Variants in IRAK4 observed in about 807,000 individuals in gnomAD.
The protein encoded by IRAK4 is interleukin 1 receptor associated kinase 4, also known as interleukin-1 receptor-associated kinase 4.
Under a neutral mutation model 51.8 loss-of-function variants are expected in IRAK4, and 44 were observed. The observed-to-expected ratio is 0.85, with a 90% CI of 0.67 to 1.09. The LOEUF (loss-of-function observed/expected upper bound fraction) is 1.09, where lower values mean the gene tolerates loss of function less well. IRAK4 is among the 50% of genes least tolerant of loss of function. The pLI is 0.00. For synonymous variants in IRAK4, 149 were observed against 174.1 expected (o/e 0.86, Z 1.13); for missense variants, 487 against 538.0 (o/e 0.91, Z 0.94).
intron 6 of IRAK4, among the ~76,000 whole-genome samples, chr12:43,776,726 G>A (rs1941308594): frequency 6.6e-6 from 1 of 152,152 alleles, no homozygotes; most frequent in Non-Finnish European, 1.5e-5. Flanking sequence ...TTAAATTTAG[G>A]ATGTATAACT....
At chr12:43,785,989 G>A (rs897998380) in intron 10 of IRAK4, among the ~76,000 whole-genome samples, 1 of 151,602 alleles carries the variant, frequency 6.6e-6, no homozygotes, top group Non-Finnish European at 1.5e-5. Context: ...ATGTCATTTT[G>A]TGGTGGATGG....
chr12:43,771,142 C>T, intron 2 of IRAK4, 78 bp from the exon 3 acceptor site: 1 of 1,200,410 alleles, frequency 8.3e-7, no homozygotes, highest in Non-Finnish European at 1.2e-6. Flanking sequence ...ATTACCCTGT[C>T]TGTGGTATTC....
At chr12:43,781,574 T>G (rs4251521) in intron 8 of IRAK4, among the ~76,000 whole-genome samples, 1 of 152,244 alleles carries the variant, frequency 6.6e-6, no homozygotes, top group African/African-American at 2.4e-5. Flanking sequence ...AGCACACTTT[T>G]CACCCTCTGT....
intron 1 of IRAK4, among the ~76,000 whole-genome samples, chr12:43,760,504 CT>C (rs1939408846): frequency 6.6e-6 from 1 of 152,202 alleles, no homozygotes; most frequent in Non-Finnish European, 1.5e-5. Flanking sequence ...CTCTAAGGCC[CT>C]TGAAGACCTG....
At position 43,772,317 on chromosome 12, in the gene IRAK4, G is replaced by C. The variant is rs375927287; in HGVS notation, c.445G>C (p.Asp149His). 6 of 1,613,650 alleles carry C rather than the reference G, an allele frequency of 3.7e-6. No homozygotes were observed. Among genetic ancestry groups the C allele is most frequent in the Non-Finnish European group, 4.2e-6 (5 of 1,179,944 alleles). ...QNLEQSYMPP[D>H]SSSPENKSLE... ...TCTTGAACAAAGCTATATGCCACCT[G>C]ACTCCTCAAGTCCAGAAAATAAAAG... Residue 149 changes from aspartate to histidine, a missense_variant, in exon 4 of 12, where the codon GAC becomes CAC. Asp to His is a moderately conservative substitution (Grantham distance 81). Transcript: ENST00000613694.
At chr12:43,762,155 C>A (rs1419677590) in intron 1 of IRAK4, among the ~76,000 whole-genome samples, 2 of 152,060 alleles carry the variant, frequency 1.3e-5, no homozygotes, top group Admixed American at 6.5e-5. Context: ...GGCTTATGTT[C>A]TTGTAAGTAT....
intron 10 of IRAK4, among the ~76,000 whole-genome samples, chr12:43,785,174 G>A (rs958297590): frequency 6.6e-6 from 1 of 152,020 alleles, no homozygotes; most frequent in Non-Finnish European, 1.5e-5. Flanking sequence ...CTCATCTCAG[G>A]ATACTTAATT....
intron 2 of IRAK4, 30 bp from the exon 3 acceptor site, chr12:43,771,190 A>G (rs1389784970): frequency 6.3e-7 from 1 of 1,581,478 alleles, no homozygotes; most frequent in African/African-American, 1.3e-5. Context: ...ACAATAGACT[A>G]ATTTTGTTTC....
intron 8 of IRAK4, among the ~76,000 whole-genome samples, chr12:43,779,504 G>A (rs1425640310): frequency 6.6e-6 from 1 of 152,186 alleles, no homozygotes; most frequent in Non-Finnish European, 1.5e-5. Context: ...CAGTTTGTAA[G>A]AAGAGGCAGT....
chr12:43,763,994 T>G (rs546968108), intron 1 of IRAK4, among the ~76,000 whole-genome samples: 4 of 152,330 alleles, frequency 2.6e-5, no homozygotes, highest in Admixed American at 2.6e-4. Flanking sequence ...TTCTTTCACA[T>G]CATTCCTTTC....
Position 43,771,324 on chromosome 12 carries a change from T to C in IRAK4, c.266T>C (p.Ile89Thr), listed in dbSNP as rs758974509. 36 of 1,614,070 alleles carry C rather than the reference T, an allele frequency of 2.2e-5. No individual in the cohort carries two copies. The highest frequency in any genetic ancestry group is 3.1e-5 in the Non-Finnish European group (36 of 1,180,032). The stretch of plus-strand genomic sequence containing the variant: ...GTTGGTGATCTTGTGGATCTTTTGA[T>C]CCAAAATGAATTTTTTGCTCCTGCG... ...CTVGDLVDLL[I>T]QNEFFAPASL... is the part of the protein sequence containing the mutation. Residue 89 changes from isoleucine (I) to threonine (T), a missense_variant, in exon 3 of 12, where the codon ATC becomes ACC. By Grantham distance (89) the Ile-to-Thr change is moderately conservative (BLOSUM62 -1). Coordinates refer to ENST00000613694, the MANE Select transcript of IRAK4 (RefSeq NM_016123.4).
intron 6 of IRAK4, among the ~76,000 whole-genome samples, chr12:43,776,899 G>A (rs1186239669): frequency 6.6e-6 from 1 of 152,206 alleles, no homozygotes; most frequent in Non-Finnish European, 1.5e-5. Context: ...TGTGATTCAA[G>A]ATCATGTCTG....
intron 1 of IRAK4, among the ~76,000 whole-genome samples, chr12:43,761,934 G>A (rs1939600977): frequency 6.6e-6 from 1 of 152,168 alleles, no homozygotes; most frequent in South Asian, 2.1e-4. Flanking sequence ...AAACAGTCAT[G>A]AAGGTATTTA....
Position 43,786,679 on chromosome 12 carries a change from G to A in IRAK4, c.1348-1G>A, listed in dbSNP as rs769109762. ...TTTGTTTTTTTCTTTCTTTTTAAAA[G>A]GTTCAACAGCTGCTGCAAGAGATGA... On this transcript the variant is annotated splice_acceptor_variant, in intron 11 of 11. Coordinates refer to ENST00000613694, the MANE Select transcript of IRAK4 (RefSeq NM_016123.4). LOFTEE classifies it high-confidence loss of function. The A allele has an allele frequency of 6.2e-7, 1 of 1,613,138 alleles. No homozygotes were observed. Among genetic ancestry groups the A allele is most frequent in the Non-Finnish European group, 8.5e-7 (1 of 1,179,634 alleles).
intron 10 of IRAK4, among the ~76,000 whole-genome samples, chr12:43,785,003 A>G (rs1942085942): frequency 6.6e-6 from 1 of 152,140 alleles, no homozygotes; most frequent in Non-Finnish European, 1.5e-5. Flanking sequence ...AAACTGTGTG[A>G]CTTAAAGCAA....
At chr12:43,770,812 A>AC (rs1324601502) in intron 2 of IRAK4, among the ~76,000 whole-genome samples, 1 of 152,202 alleles carries the variant, frequency 6.6e-6, no homozygotes, top group East Asian at 1.9e-4. Context: ...ACCCATTGCA[A>AC]CAGGGTTGAT....
intron 3 of IRAK4, 145 bp downstream of exon 3, chr12:43,771,510 CTTTAAA>C: frequency 1.2e-6 from 1 of 831,484 alleles, no homozygotes; most frequent in Non-Finnish European, 2.0e-6. Flanking sequence ...CTCCTCAACT[CTTTAAA>C]AAGCAGCACA....
intron 2 of IRAK4, among the ~76,000 whole-genome samples, chr12:43,770,549 A>G (rs965898032): frequency 2.6e-5 from 4 of 152,204 alleles, no homozygotes; most frequent in African/African-American, 7.2e-5. Flanking sequence ...TGTGCATCCT[A>G]TAACCCACTA....
intron 1 of IRAK4, among the ~76,000 whole-genome samples, chr12:43,765,059 G>C (rs1184690850): frequency 6.6e-6 from 1 of 152,148 alleles, no homozygotes; most frequent in Non-Finnish European, 1.5e-5. Flanking sequence ...TTCATCTCCT[G>C]TTACAATTTT....
Sources: allele counts gnomAD v4.1 joint callset (sites outside exome capture counted in the v4.1 genomes callset), GRCh38; gene constraint gnomAD v4.1.1; transcripts MANE v1.5; gene names NCBI Gene and HGNC (gene_info 2026-07-23, HGNC 2026-07-21).